Variants in NKAIN2 observed in about 807,000 individuals in gnomAD.
NKAIN2 encodes sodium/potassium-transporting ATPase subunit beta-1-interacting protein 2.
NKAIN2 carries 14 observed loss-of-function variants against 32.6 expected under a neutral mutation model. The ratio of observed to expected loss-of-function variants is 0.43; its 90% CI spans 0.28 to 0.67. NKAIN2 has a LOEUF of 0.67. Ranked by LOEUF, NKAIN2 falls within the 30% of genes least tolerant of loss-of-function variation. NKAIN2 has a pLI of 0.17. For missense variants in NKAIN2, 198 were observed against 258.3 expected, an observed-to-expected ratio of 0.77 and a Z score of 1.60; for synonymous variants, 80 against 87.2, an observed-to-expected ratio of 0.92 and a Z score of 0.46.
intron 4 of NKAIN2, among the ~76,000 whole-genome samples, chr6:124,701,053 T>G (rs925066845): frequency 6.6e-6 from 1 of 151,680 alleles, no homozygotes; most frequent in African/African-American, 2.4e-5. Flanking sequence ...CTAAGCTTAT[T>G]ATAAAATATT....
intron 3 of NKAIN2, among the ~76,000 whole-genome samples, chr6:124,583,203 T>C (rs573912436): frequency 1.4e-5 from 2 of 138,738 alleles, no homozygotes; most frequent in South Asian, 2.4e-4. Flanking sequence ...TATGATCTTA[T>C]AATTGGTAAA....
At position 123,980,580 on chromosome 6, in the gene NKAIN2, A is replaced by G. The variant is rs138235087; in HGVS notation, c.54+176326A>G. Among the ~76,000 whole-genome samples, 206 of 152,306 alleles carry G rather than the reference A, an allele frequency of 1.4e-3. 1 individual carries two copies. The highest frequency in any genetic ancestry group is 4.7e-3 in the African/African-American group (196 of 41,572). On this transcript the variant is annotated intron_variant, in intron 1 of 6. Transcript: ENST00000368417. ...ACCATGTCACTAAAGCCCAAGAGTA[A>G]TGTCACTTTAGAATTACAAAACAGA...
chr6:124,685,243 A>G (rs1331418190), intron 4 of NKAIN2, among the ~76,000 whole-genome samples: 2 of 152,232 alleles, frequency 1.3e-5, no homozygotes, highest in African/African-American at 2.4e-5. Context: ...ATGGAGTAAC[A>G]TTAAAAAAAT....
At chr6:124,067,771 G>A (rs1187683934) in intron 1 of NKAIN2, among the ~76,000 whole-genome samples, 1 of 152,068 alleles carries the variant, frequency 6.6e-6, no homozygotes, top group African/African-American at 2.4e-5. Flanking sequence ...AAATTCCCCA[G>A]TTATAATCCA....
chr6:124,290,301 T>C (rs2689874), intron 2 of NKAIN2, among the ~76,000 whole-genome samples: 40,368 of 152,058 alleles, frequency 0.27, 6,840 homozygotes, highest in African/African-American at 0.48. Context: ...TTTTAAATCA[T>C]CTAATAATTT....
chr6:124,053,987 GTAGT>G (rs1227764471), intron 1 of NKAIN2, among the ~76,000 whole-genome samples: 1 of 152,022 alleles, frequency 6.6e-6, no homozygotes, highest in African/African-American at 2.4e-5. Flanking sequence ...AGGGAAGAAA[GTAGT>G]TAATAAATTG....
rs1014850589 is a variant in NKAIN2 at position 124,242,876 on chromosome 6, G to T, written c.55-40129G>T. On this transcript the variant is annotated intron_variant, in intron 1 of 6. Transcript: ENST00000368417. ...ACACAGGGAGGGGAACATCTCACAC[G>T]GGGGCATGTCAGGGGCTGGGGGGCT... Among the ~76,000 whole-genome samples the T allele has an allele frequency of 2.6e-5, 4 of 151,320 alleles. No homozygotes were observed. The South Asian group carries it at 8.4e-4, about 32-fold the overall frequency.
At chr6:124,196,784 G>A (rs1054039615) in intron 1 of NKAIN2, among the ~76,000 whole-genome samples, 4 of 151,782 alleles carry the variant, frequency 2.6e-5, no homozygotes, top group African/African-American at 4.8e-5. Context: ...TAATATATTT[G>A]TATCATGGTG....
chr6:124,304,297 T>C (rs899236838), intron 2 of NKAIN2, among the ~76,000 whole-genome samples: 1 of 152,228 alleles, frequency 6.6e-6, no homozygotes, highest in Non-Finnish European at 1.5e-5. Flanking sequence ...TTATCTGGAT[T>C]CTTAATATTG....
intron 3 of NKAIN2, among the ~76,000 whole-genome samples, chr6:124,433,844 A>G (rs888893655): frequency 2.6e-5 from 4 of 152,176 alleles, no homozygotes; most frequent in African/African-American, 4.8e-5. Flanking sequence ...CACCTCTTTG[A>G]AAAATGACCA....
At chr6:124,465,810 A>C (rs1776730885) in intron 3 of NKAIN2, among the ~76,000 whole-genome samples, 1 of 152,060 alleles carries the variant, frequency 6.6e-6, no homozygotes, top group Admixed American at 6.6e-5. Context: ...GTATGGAAAA[A>C]TAATAATATA....
intron 1 of NKAIN2, among the ~76,000 whole-genome samples, chr6:123,849,354 C>T (rs747304507): frequency 6.6e-6 from 1 of 152,120 alleles, no homozygotes; most frequent in Non-Finnish European, 1.5e-5. Flanking sequence ...GGGAAGTAGA[C>T]ATGGAATGGC....
At chr6:124,655,627 G>GA (rs1241096139) in intron 3 of NKAIN2, among the ~76,000 whole-genome samples, 1 of 152,064 alleles carries the variant, frequency 6.6e-6, no homozygotes, top group Non-Finnish European at 1.5e-5. Context: ...GGCATAATGG[G>GA]ATAGTTACCT....
At chr6:124,472,747 AC>A (rs1777026672) in intron 3 of NKAIN2, among the ~76,000 whole-genome samples, 1 of 151,784 alleles carries the variant, frequency 6.6e-6, no homozygotes, top group Non-Finnish European at 1.5e-5. Context: ...ATTATGAAGG[AC>A]CTTGTATTAC....
chr6:124,349,471 A>G (rs1220153772), intron 2 of NKAIN2, among the ~76,000 whole-genome samples: 1 of 152,222 alleles, frequency 6.6e-6, no homozygotes, highest in Non-Finnish European at 1.5e-5. Context: ...AGTAGAAACA[A>G]TCACACCTAA....
chr6:124,567,668 C>G (rs887475066), intron 3 of NKAIN2, among the ~76,000 whole-genome samples: 2 of 152,234 alleles, frequency 1.3e-5, no homozygotes, highest in Non-Finnish European at 2.9e-5. Context: ...GAGGATCACT[C>G]ATGGTCTGCT....
intron 1 of NKAIN2, among the ~76,000 whole-genome samples, chr6:124,269,178 T>C (rs931985801): frequency 6.6e-6 from 1 of 152,106 alleles, no homozygotes; most frequent in Non-Finnish European, 1.5e-5. Flanking sequence ...TGATAGAAAA[T>C]ATCATGTCTT....
At chr6:124,145,897 A>T (rs1335408269) in intron 1 of NKAIN2, among the ~76,000 whole-genome samples, 5 of 152,156 alleles carry the variant, frequency 3.3e-5, no homozygotes, top group African/African-American at 4.8e-5. Context: ...TGGTTATGAA[A>T]GGAAACATGA....
intron 2 of NKAIN2, among the ~76,000 whole-genome samples, chr6:124,331,095 A>G (rs1388942826): frequency 6.6e-6 from 1 of 152,074 alleles, no homozygotes; most frequent in Non-Finnish European, 1.5e-5. Flanking sequence ...CGTTAATTGA[A>G]TTATGCTTCT....
Sources: gnomAD v4.1 joint callset for allele counts (sites outside exome capture counted in the v4.1 genomes callset) on GRCh38, gnomAD v4.1.1 for gene constraint, MANE v1.5 for transcripts, NCBI Gene and HGNC (gene_info 2026-07-23, HGNC 2026-07-21) for gene names.